Variants in SSH1 observed in about 807,000 individuals in gnomAD.
SSH1 encodes the protein slingshot protein phosphatase 1.
In SSH1, 43 loss-of-function variants were observed where a neutral mutation model predicts 79.7. That is an observed-to-expected ratio of 0.54 (90% CI 0.42 to 0.70). The LOEUF is 0.70. Among genes scored for constraint, SSH1 ranks in the 30% least tolerant of loss-of-function variants. SSH1 has a pLI of 0.00. For missense variants in SSH1, 1,206 were observed against 1,358.8 expected, an observed-to-expected ratio of 0.89 and a Z score of 1.77; for synonymous variants, 599 against 538.3, an observed-to-expected ratio of 1.11 and a Z score of -1.56.
intron 6 of SSH1, 36 bp from the exon 7 acceptor site, chr12:108,809,794 T>G (rs757879649): frequency 1.3e-6 from 2 of 1,591,078 alleles, no homozygotes; most frequent in Non-Finnish European, 1.7e-6. Flanking sequence ...GTATCTGTGG[T>G]GAGAAATCAG....
intron 2 of SSH1, among the ~76,000 whole-genome samples, chr12:108,829,795 T>C (rs1593106371): frequency 6.6e-6 from 1 of 152,234 alleles, no homozygotes; most frequent in East Asian, 1.9e-4. Flanking sequence ...GTCCTGGGCA[T>C]CTACTTTTTT....
intron 6 of SSH1, among the ~76,000 whole-genome samples, chr12:108,810,420 G>A (rs1366237165): frequency 6.6e-6 from 1 of 152,018 alleles, no homozygotes; most frequent in Non-Finnish European, 1.5e-5. Context: ...TATTCGGGAG[G>A]CTGAGGCAGG....
chr12:108,814,964 T>C (rs748493510), intron 5 of SSH1, among the ~76,000 whole-genome samples: 5 of 152,222 alleles, frequency 3.3e-5, no homozygotes, highest in African/African-American at 4.8e-5. Context: ...ACTGCTGGCC[T>C]GTGAGCTCTG....
chr12:108,840,862 C>A (rs1472698044), intron 2 of SSH1, among the ~76,000 whole-genome samples: 1 of 152,180 alleles, frequency 6.6e-6, no homozygotes, highest in African/African-American at 2.4e-5. Flanking sequence ...TCTCAGTAGC[C>A]CGGCTGGTTT....
intron 5 of SSH1, among the ~76,000 whole-genome samples, chr12:108,815,988 C>G (rs960377050): frequency 3.3e-5 from 5 of 152,194 alleles, no homozygotes; most frequent in Admixed American, 3.3e-4. Flanking sequence ...TCACGGCCTC[C>G]CTGACTGGTT....
At chr12:108,851,300 A>G (rs965263332) in intron 2 of SSH1, among the ~76,000 whole-genome samples, 1 of 152,228 alleles carries the variant, frequency 6.6e-6, no homozygotes, top group African/African-American at 2.4e-5. Flanking sequence ...AAGCACACAG[A>G]AACATCGGAG....
rs1409093395 is a variant in SSH1 at position 108,788,182 on chromosome 12, T to C, written c.2956A>G (p.Thr986Ala). The C allele has an allele frequency of 1.1e-5, 17 of 1,613,796 alleles. No individual in the cohort carries two copies. The highest frequency in any genetic ancestry group is 1.4e-5 in the Non-Finnish European group (17 of 1,179,942). ...SHSLAKLGSL[T>A]FSTEDLSSEA... ...CTGGACAGGTCTTCCGTTGAGAAGG[T>C]GAGACTCCCCAGCTTGGCAAGAGAG... Residue 986 changes from threonine to alanine, a missense_variant, in exon 15 of 15, where the codon ACC becomes GCC. This residue lies in a region of SSH1 where 709 missense variants were observed against 730.6 expected (regional missense o/e 0.97). Transcript: ENST00000326495.
rs2036333448 is a variant in SSH1 at position 108,787,987 on chromosome 12, G to A, written c.*1C>T. On this transcript the variant is annotated 3_prime_UTR_variant, in exon 15 of 15. Transcript: ENST00000326495. ...CCCAGCCTGACGCAGCAAAAGGCGG[G>A]TCAGCTTTTGCTCATCCACGAAGGG... 11 of 1,614,042 alleles carry A rather than the reference G, an allele frequency of 6.8e-6. No individual in the cohort carries two copies. The highest frequency in any genetic ancestry group is 2.2e-5 in the East Asian group (1 of 44,898).
rs545314234 is a variant in SSH1, at chr12:108,802,666, T to C, written c.955-298A>G. On this transcript the variant is annotated intron_variant, in intron 10 of 14. Coordinates refer to ENST00000326495, the MANE Select transcript of SSH1 (RefSeq NM_018984.4). ...CTGCTCTCCGTCTCCCCACTTCCTT[T>C]CCTAAGAGTCCAGTGGGGGGGGGTC... Among the ~76,000 whole-genome samples the C allele has an allele frequency of 7.2e-5, 11 of 152,004 alleles. No individual in the cohort carries two copies. In the South Asian group the frequency reaches 2.3e-3, roughly 32 times the overall value.
Position 108,805,158 on chromosome 12 carries a change from C to A in SSH1, c.852G>T (p.Met284Ile). 6.2e-7 allele frequency: 1 copy of A among 1,613,630 alleles called. No individual in the cohort carries two copies. ...CCTTGAGTTCCTTCAAGTTACAATT[C>A]ATCTGTTTCTCTAATTCATTACGAA... The part of the protein sequence containing the change: ...KEIRNELEKQ[M>I]NCNLKELKEF... Residue 284 changes from methionine to isoleucine, a missense_variant, in exon 10 of 15, where the codon ATG (methionine) becomes ATT (isoleucine). Physicochemically the swap from Met to Ile is conservative, Grantham distance 10 (BLOSUM62 1). Transcript: ENST00000326495.
At chr12:108,829,669 C>T (rs1417021627) in intron 2 of SSH1, among the ~76,000 whole-genome samples, 1 of 152,150 alleles carries the variant, frequency 6.6e-6, no homozygotes, top group Non-Finnish European at 1.5e-5. Flanking sequence ...ATGGAATATC[C>T]AAACACCCCT....
In SSH1 at chr12:108,789,796, G is replaced by A. The variant is rs945997251; in HGVS notation, c.1894-552C>T. Among the ~76,000 whole-genome samples, 11 of 152,238 alleles carry A rather than the reference G, an allele frequency of 7.2e-5. No individual in the cohort carries two copies. In the East Asian group the frequency reaches 1.4e-3, roughly 19 times the overall value. ...GGAGGGCACCCCCCTACCCCACCCC[G>A]CCTGCACAGGACTGTAGGCTGGAGG... On this transcript the variant is annotated intron_variant, in intron 14 of 14. Transcript: ENST00000326495.
At chr12:108,853,172 GT>G in intron 1 of SSH1, 13 of 985,420 alleles carry the variant, frequency 1.3e-5, no homozygotes, top group Non-Finnish European at 1.6e-5. Flanking sequence ...CAGGCCGTCT[GT>G]TTGTGGGTCT....
Position 108,797,634 on chromosome 12 carries a change from G to A in SSH1, c.1349+1366C>T, listed in dbSNP as rs368717220. ...CGTCAGGAAGAAGTGCCTGGATGTC[G>A]GAGAGAGTGGCAGCTTGACTTTAGA... On this transcript the variant is annotated intron_variant, in intron 13 of 14. Transcript: ENST00000326495. Among the ~76,000 whole-genome samples the A allele has an allele frequency of 2.4e-4, 36 of 152,356 alleles. No individual in the cohort carries two copies. In the East Asian group the frequency reaches 4.2e-3, roughly 18 times the overall value.
At chr12:108,841,880 A>G (rs956391693) in intron 2 of SSH1, among the ~76,000 whole-genome samples, 2 of 151,782 alleles carry the variant, frequency 1.3e-5, no homozygotes, top group African/African-American at 4.8e-5. Flanking sequence ...ACAGTGGCTC[A>G]TGCCTGGAAT....
At chr12:108,844,090 T>C (rs962759941) in intron 2 of SSH1, among the ~76,000 whole-genome samples, 8 of 152,196 alleles carry the variant, frequency 5.3e-5, no homozygotes, top group Admixed American at 2.6e-4. Flanking sequence ...ATGTCTACTA[T>C]GGGAGAAGGG....
In SSH1 at chr12:108,817,071, A is replaced by G; in HGVS notation, c.368T>C (p.Ile123Thr). ...ACTGGAAAAGTCCACTCCCAGCAAG[A>G]TATTCTCCTCGGTGTCCTGGCGCCC... ...SSGRQDTEENILLGVDFSSKE... is the reference protein window; with the variant it reads ...SSGRQDTEENTLLGVDFSSKE... The change falls in exon 5 of 15, where the codon ATC becomes ACC. Residue 123 changes from isoleucine to threonine, a missense_variant. Coordinates refer to ENST00000326495, the MANE Select transcript of SSH1 (RefSeq NM_018984.4). 6.2e-7 allele frequency: 1 copy of G among 1,614,152 alleles called. No homozygotes were observed. Among genetic ancestry groups the G allele is most frequent in the Non-Finnish European group, 8.5e-7 (1 of 1,179,998 alleles).
intron 2 of SSH1, among the ~76,000 whole-genome samples, chr12:108,842,630 G>A (rs2038805745): frequency 6.6e-6 from 1 of 152,216 alleles, no homozygotes; most frequent in South Asian, 2.1e-4. Context: ...AGCACATAGT[G>A]ATGCCGCTAA....
chr12:108,822,412 G>C (rs1315075389), intron 3 of SSH1, among the ~76,000 whole-genome samples: 1 of 151,734 alleles, frequency 6.6e-6, no homozygotes, highest in Admixed American at 6.6e-5. Context: ...TGGAATTACA[G>C]GCAAGAGCCA....
Sources: allele counts gnomAD v4.1 joint callset (sites outside exome capture counted in the v4.1 genomes callset), GRCh38; gene constraint gnomAD v4.1.1; regional missense constraint gnomAD v4.1.1; transcripts MANE v1.5; gene names NCBI Gene and HGNC (gene_info 2026-07-23, HGNC 2026-07-21).